NKAIN2: variants seen among roughly 807,000 people sequenced by gnomAD.
NKAIN2 encodes the protein sodium/potassium transporting ATPase interacting 2.
Under a neutral mutation model 32.6 loss-of-function variants are expected in NKAIN2, and 14 were observed. The ratio of observed to expected loss-of-function variants is 0.43; its 90% CI spans 0.28 to 0.67. NKAIN2 has a LOEUF of 0.67. Among genes scored for constraint, NKAIN2 ranks in the 30% least tolerant of loss-of-function variants. The probability of loss-of-function intolerance (pLI) is 0.17; values close to 1 mark genes in which losing one functional copy is unlikely to be tolerated. For missense variants in NKAIN2, 198 were observed against 258.3 expected, an observed-to-expected ratio of 0.77 and a Z score of 1.60; for synonymous variants, 80 against 87.2, an observed-to-expected ratio of 0.92 and a Z score of 0.46.
intron 2 of NKAIN2, among the ~76,000 whole-genome samples, chr6:124,320,154 A>T (rs915935338): frequency 2.0e-5 from 3 of 152,286 alleles, no homozygotes; most frequent in African/African-American, 7.2e-5. Flanking sequence ...AATCATCAAT[A>T]CTGTCTTGAC....
chr6:123,903,165 A>G (rs1562248485), intron 1 of NKAIN2, among the ~76,000 whole-genome samples: 1 of 152,250 alleles, frequency 6.6e-6, no homozygotes, highest in South Asian at 2.1e-4. Flanking sequence ...AACAGCTAAT[A>G]TGAAACGATG....
chr6:124,201,689 C>T (rs557550616), intron 1 of NKAIN2, among the ~76,000 whole-genome samples: 5 of 152,090 alleles, frequency 3.3e-5, no homozygotes, highest in South Asian at 4.2e-4. Flanking sequence ...TGTGGCCATA[C>T]ATAGAGATAC....
chr6:124,326,295 C>T (rs1212910513), intron 2 of NKAIN2, among the ~76,000 whole-genome samples: 3 of 150,452 alleles, frequency 2.0e-5, no homozygotes, highest in African/African-American at 7.3e-5. Flanking sequence ...TTACTTTCAT[C>T]TTTATCTTTC....
intron 3 of NKAIN2, among the ~76,000 whole-genome samples, chr6:124,465,680 G>T (rs1449048474): frequency 1.3e-5 from 2 of 148,992 alleles, no homozygotes; most frequent in African/African-American, 4.9e-5. Flanking sequence ...CAATTTCTTT[G>T]TCTATGTAAG....
chr6:123,971,205 A>C (rs1194507860), intron 1 of NKAIN2, among the ~76,000 whole-genome samples: 1 of 152,148 alleles, frequency 6.6e-6, no homozygotes, highest in Admixed American at 6.5e-5. Context: ...ACTCAGGGCC[A>C]GGTGACAGTG....
intron 5 of NKAIN2, among the ~76,000 whole-genome samples, chr6:124,803,893 C>A (rs1025263399): frequency 5.9e-5 from 9 of 152,148 alleles, no homozygotes; most frequent in African/African-American, 2.2e-4. Context: ...AGAGGAGATC[C>A]CAATCCTACT....
chr6:124,680,197 G>A (rs570600488), intron 4 of NKAIN2, among the ~76,000 whole-genome samples: 1 of 152,160 alleles, frequency 6.6e-6, no homozygotes, highest in East Asian at 1.9e-4. Flanking sequence ...CCTTAAGAAA[G>A]AATAAATCAA....
chr6:124,639,544 G>A (rs1052233334), intron 3 of NKAIN2, among the ~76,000 whole-genome samples: 3 of 152,126 alleles, frequency 2.0e-5, no homozygotes, highest in Non-Finnish European at 4.4e-5. Context: ...TGAGACAGGA[G>A]AATTGCTTGA....
In NKAIN2 at chr6:123,904,690, C is replaced by T. The variant is rs568409847; in HGVS notation, c.54+100436C>T. Among the ~76,000 whole-genome samples, 37 of 152,266 alleles carry T rather than the reference C, an allele frequency of 2.4e-4. No individual in the cohort carries two copies. The South Asian group carries it at 3.7e-3, about 15-fold the overall frequency. On this transcript the variant is annotated intron_variant, in intron 1 of 6. Coordinates refer to ENST00000368417, the MANE Select transcript of NKAIN2 (RefSeq NM_001040214.3). The stretch of plus-strand genomic sequence containing the variant: ...TCACTCAATGAACATGTCCATGAAC[C>T]TGATACATACTTGTTTTGACGTCTA...
At chr6:124,345,028 A>C (rs533211412) in intron 2 of NKAIN2, among the ~76,000 whole-genome samples, 33 of 152,280 alleles carry the variant, frequency 2.2e-4, no homozygotes, top group Middle Eastern at 3.4e-3. Flanking sequence ...ATTTATTGAG[A>C]GTTTTTAGCA....
intron 5 of NKAIN2, among the ~76,000 whole-genome samples, chr6:124,810,854 A>G (rs910794045): frequency 6.6e-6 from 1 of 151,096 alleles, no homozygotes; most frequent in Admixed American, 6.6e-5. Context: ...CACTTTAGTG[A>G]CCTTTCATGC....
In NKAIN2 at chr6:124,072,837, G is replaced by T. The variant is rs1247398167; in HGVS notation, c.55-210168G>T. On this transcript the variant is annotated intron_variant, in intron 1 of 6. Coordinates refer to ENST00000368417, the MANE Select transcript of NKAIN2 (RefSeq NM_001040214.3). ...CTCACAATAATATACCTTGCATTTT[G>T]TTATTCATTCATTTTTTTCATTGAT... 3.3e-5 allele frequency among the ~76,000 whole-genome samples: 5 copies of T among 152,100 alleles called. No individual in the cohort carries two copies. In the East Asian group the frequency reaches 9.7e-4, roughly 29 times the overall value.
At chr6:123,810,819 T>C (rs980226053) in intron 1 of NKAIN2, among the ~76,000 whole-genome samples, 28 of 152,162 alleles carry the variant, frequency 1.8e-4, no homozygotes, top group Admixed American at 1.8e-3. Context: ...CCATAATTAT[T>C]GTACTTGGGA....
At chr6:124,508,370 A>G (rs886537199) in intron 3 of NKAIN2, among the ~76,000 whole-genome samples, 71 of 151,098 alleles carry the variant, frequency 4.7e-4, no homozygotes, top group African/African-American at 1.7e-3. Flanking sequence ...TTTGAGATGG[A>G]GTCTCGCTCT....
intron 2 of NKAIN2, among the ~76,000 whole-genome samples, chr6:124,324,829 A>C (rs2145360): frequency 6.6e-6 from 1 of 151,988 alleles, no homozygotes; most frequent in Non-Finnish European, 1.5e-5. Context: ...TGATATAATC[A>C]TGCAATTTTT....
chr6:124,090,582 A>G lies in NKAIN2; in HGVS notation c.55-192423A>G, dbSNP rs967594366. Among the ~76,000 whole-genome samples, 25 of 152,202 alleles carry G rather than the reference A, an allele frequency of 1.6e-4. No homozygotes were observed. In the East Asian group the frequency reaches 4.6e-3, roughly 28 times the overall value. ...CAGCAAGGCTTGCAAGTCAGCAGACATCTTCTAAAACCTAACCTTTGTTGT... is the reference window on the plus strand; with the variant it reads ...CAGCAAGGCTTGCAAGTCAGCAGACGTCTTCTAAAACCTAACCTTTGTTGT... On this transcript the variant is annotated intron_variant, in intron 1 of 6. Coordinates refer to ENST00000368417, the MANE Select transcript of NKAIN2 (RefSeq NM_001040214.3).
chr6:123,982,269 C>T (rs934562729), intron 1 of NKAIN2, among the ~76,000 whole-genome samples: 4 of 152,090 alleles, frequency 2.6e-5, no homozygotes, highest in African/African-American at 4.8e-5. Context: ...GTATTTATTG[C>T]TTTCAAACTA....
intron 3 of NKAIN2, among the ~76,000 whole-genome samples, chr6:124,396,464 A>T (rs898228144): frequency 6.6e-6 from 1 of 151,756 alleles, no homozygotes; most frequent in African/African-American, 2.4e-5. Flanking sequence ...AAGAGATTCA[A>T]TGAGGCTTGG....
At chr6:124,137,356 T>A (rs147739428) in intron 1 of NKAIN2, among the ~76,000 whole-genome samples, 3 of 152,108 alleles carry the variant, frequency 2.0e-5, no homozygotes, top group Non-Finnish European at 4.4e-5. Flanking sequence ...AAAGAAATCA[T>A]AGATGTCCAC....
Sources: gnomAD v4.1 joint callset for allele counts (sites outside exome capture counted in the v4.1 genomes callset) on GRCh38, gnomAD v4.1.1 for gene constraint, MANE v1.5 for transcripts, NCBI Gene and HGNC (gene_info 2026-07-23, HGNC 2026-07-21) for gene names.